ST3GAL4: variants seen among roughly 807,000 people sequenced by gnomAD.
ST3GAL4 encodes CMP-N-acetylneuraminate-beta-galactosamide-alpha-2,3-sialyltransferase 4.
A neutral mutation model predicts 42.6 loss-of-function variants in ST3GAL4; 24 were observed. That is an observed-to-expected ratio of 0.56 (90% confidence interval 0.41 to 0.79). The LOEUF (loss-of-function observed/expected upper bound fraction) is 0.79. Ranked by LOEUF, ST3GAL4 falls within the 30% of genes least tolerant of loss-of-function variation. The pLI is 0.00. For synonymous variants in ST3GAL4, 135 were observed against 163.2 expected, an observed-to-expected ratio of 0.83 and a Z score of 1.32; for missense variants, 311 against 430.8, an observed-to-expected ratio of 0.72 and a Z score of 2.46.
In ST3GAL4 at chr11:126,388,767, CTTTTTTTTT is replaced by C. The variant is rs10683946; in HGVS notation, c.-60-17316_-60-17308del. Among the ~76,000 whole-genome samples the C allele has an allele frequency of 1.7e-4, 9 of 52,042 alleles. No homozygotes were observed. The East Asian group carries it at 3.0e-3, about 17-fold the overall frequency. 34.1% of individuals were successfully genotyped at this position (52,042 alleles called of 152,430 possible). A position where few individuals can be genotyped will look rare whatever the true frequency, so the allele number is the denominator to read the frequency against. The stretch of plus-strand genomic sequence containing the variant: ...CAAATGTACTTTAGTTTTTCAGTGT[CTTTTTTTTT>C]TTTTTTTTTTTTGAGACGGATTTTT... On this transcript the variant is annotated intron_variant, in intron 1 of 10. Coordinates refer to ENST00000444328, the MANE Select transcript of ST3GAL4 (RefSeq NM_001254757.2).
intron 1 of ST3GAL4, among the ~76,000 whole-genome samples, chr11:126,387,308 G>A (rs1380179579): frequency 6.6e-6 from 1 of 152,202 alleles, no homozygotes; most frequent in African/African-American, 2.4e-5. Flanking sequence ...CCAAGTGTGA[G>A]ATTTCAATAT....
rs1280653918 is a variant in ST3GAL4 at position 126,409,613 on chromosome 11, G to GGGGA, written c.771+207_771+210dup. On this transcript the variant is annotated intron_variant, in intron 9 of 10. Coordinates refer to ENST00000444328, the MANE Select transcript of ST3GAL4 (RefSeq NM_001254757.2). This position sits in a 1 kb window ranked among gnomAD's most constrained non-coding sequence, Gnocchi z 4.9. ...GAGAACCAAGGGGCATTTACTAAGT[G>GGGGA]GGGAGGGATGGGGATGGCCTGGATC... is the stretch of plus-strand genomic sequence containing the variant. Among the ~76,000 whole-genome samples, 1 of 152,180 alleles carries GGGGA rather than the reference G, an allele frequency of 6.6e-6. No homozygotes were observed. The highest frequency in any genetic ancestry group is 1.5e-5 in the Non-Finnish European group (1 of 68,028).
intron 1 of ST3GAL4, chr11:126,375,060 G>A (rs4307732): frequency 0.13 from 20,081 of 152,102 alleles, 1,387 homozygotes; most frequent in East Asian, 0.35. Context: ...CCAGGCCCGC[G>A]CTGAAGTTCG....
intron 9 of ST3GAL4, among the ~76,000 whole-genome samples, chr11:126,412,983 T>C (rs1954595026): frequency 1.3e-5 from 2 of 152,258 alleles, no homozygotes; most frequent in Non-Finnish European, 2.9e-5. Flanking sequence ...ATGATGGCTG[T>C]CATTCTGATT....
At position 126,378,814 on chromosome 11, in the gene ST3GAL4, G is replaced by A. The variant is rs1340144488; in HGVS notation, c.-61+22972G>A. On this transcript the variant is annotated intron_variant, in intron 1 of 10. Transcript: ENST00000444328. This position sits in a 1 kb window ranked among gnomAD's most constrained non-coding sequence, Gnocchi z 5.3. Reference sequence around the variant, plus strand: ...TTGAACCAATGTCTAGTTCTAGTAAGTTCTCTGATGATATGGTTGAGGCTT... The same window carrying A: ...TTGAACCAATGTCTAGTTCTAGTAAATTCTCTGATGATATGGTTGAGGCTT... Among the ~76,000 whole-genome samples the A allele has an allele frequency of 6.6e-6, 1 of 152,158 alleles. No individual in the cohort carries two copies. The highest frequency in any genetic ancestry group is 2.4e-5 in the African/African-American group (1 of 41,422).
In ST3GAL4 at chr11:126,366,943, T is replaced by C. The variant is rs749290791; in HGVS notation, c.-61+11101T>C. Among the ~76,000 whole-genome samples, 37 of 152,218 alleles carry C rather than the reference T, an allele frequency of 2.4e-4. No individual in the cohort carries two copies. Among genetic ancestry groups the C allele is most frequent in the South Asian group, 4.1e-4 (2 of 4,820 alleles). ...GCACCTGCAGGGCTGAACGTTGCCT[T>C]TGCTGTCCCTGCTTGGGGATTTTGG... On this transcript the variant is annotated intron_variant, in intron 1 of 10. Coordinates refer to ENST00000444328, the MANE Select transcript of ST3GAL4 (RefSeq NM_001254757.2). The surrounding 1 kb of genome is among the most constrained non-coding windows in gnomAD (Gnocchi z 4.2).
chr11:126,377,629 C>A (rs749045596), intron 1 of ST3GAL4, among the ~76,000 whole-genome samples: 3 of 151,800 alleles, frequency 2.0e-5, no homozygotes, highest in Non-Finnish European at 2.9e-5. Flanking sequence ...GGAATACAGG[C>A]GTGTGCCACC....
intron 1 of ST3GAL4, among the ~76,000 whole-genome samples, chr11:126,381,372 G>C (rs1333636677): frequency 2.0e-5 from 3 of 152,096 alleles, no homozygotes; most frequent in Non-Finnish European, 4.4e-5. Context: ...GCTCCATATG[G>C]ATTTGGTTTG....
rs1953966668 is a variant in ST3GAL4 at position 126,400,916 on chromosome 11, G to C, written c.-60-5180G>C. 6.6e-6 allele frequency among the ~76,000 whole-genome samples: 1 copy of C among 152,104 alleles called. No homozygotes were observed. The highest frequency in any genetic ancestry group is 2.4e-5 in the African/African-American group (1 of 41,414). ...CCTATGATGCCAGGCCTGTGGTAAG[G>C]AGCTTTGCAAGCATTTGCTAGAATA... On this transcript the variant is annotated intron_variant, in intron 1 of 10. Transcript: ENST00000444328. The surrounding 1 kb of genome is among the most constrained non-coding windows in gnomAD (Gnocchi z 4.6).
rs1191905313 is a variant in ST3GAL4, at chr11:126,398,701, A to G, written c.-60-7395A>G. Among the ~76,000 whole-genome samples the G allele has an allele frequency of 6.6e-6, 1 of 152,206 alleles. No homozygotes were observed. The highest frequency in any genetic ancestry group is 1.5e-5 in the Non-Finnish European group (1 of 68,032). On this transcript the variant is annotated intron_variant, in intron 1 of 10. Transcript: ENST00000444328. This position sits in a 1 kb window ranked among gnomAD's most constrained non-coding sequence, Gnocchi z 4.7. ...TGCCTGGGTCCCGAGTCTGTCCGCA[A>G]TATCCTTTGAAATCTAGTTGGAGGG...
At chr11:126,370,776 A>G (rs1364457379) in intron 1 of ST3GAL4, among the ~76,000 whole-genome samples, 2 of 151,840 alleles carry the variant, frequency 1.3e-5, no homozygotes, top group East Asian at 1.9e-4. Flanking sequence ...TCCCGGGTTC[A>G]AGCAATTCTC....
Position 126,379,783 on chromosome 11 carries a change from T to A in ST3GAL4, c.-61+23941T>A, listed in dbSNP as rs1327452728. On this transcript the variant is annotated intron_variant, in intron 1 of 10. Coordinates refer to ENST00000444328, the MANE Select transcript of ST3GAL4 (RefSeq NM_001254757.2). This position sits in a 1 kb window ranked among gnomAD's most constrained non-coding sequence, Gnocchi z 4.2. ...ATGAGCCACCACACCCGGCCTGTTA[T>A]CCTTAATTTTAAATCACATGTGGAT... 6.6e-6 allele frequency among the ~76,000 whole-genome samples: 1 copy of A among 152,058 alleles called. No homozygotes were observed. The highest frequency in any genetic ancestry group is 2.4e-5 in the African/African-American group (1 of 41,378).
chr11:126,358,858 G>A (rs1367258344), intron 1 of ST3GAL4, among the ~76,000 whole-genome samples: 1 of 152,204 alleles, frequency 6.6e-6, no homozygotes, highest in Non-Finnish European at 1.5e-5. Flanking sequence ...AGCCCTGGGT[G>A]CCACTGCTGG....
At chr11:126,413,840 G>A in intron 10 of ST3GAL4, 121 bp from the exon 11 acceptor site, 1 of 1,415,952 alleles carries the variant, frequency 7.1e-7, no homozygotes, top group Non-Finnish European at 9.7e-7. Context: ...CCTTCCAAGA[G>A]CCAGCCTGGG....
In ST3GAL4 at chr11:126,373,211, G is replaced by T. The variant is rs1952719586; in HGVS notation, c.-61+17369G>T. Among the ~76,000 whole-genome samples the T allele has an allele frequency of 6.6e-6, 1 of 152,180 alleles. No individual in the cohort carries two copies. Among genetic ancestry groups the T allele is most frequent in the Admixed American group, 6.5e-5 (1 of 15,276 alleles). On this transcript the variant is annotated intron_variant, in intron 1 of 10. Coordinates refer to ENST00000444328, the MANE Select transcript of ST3GAL4 (RefSeq NM_001254757.2). The surrounding 1 kb of genome is among the most constrained non-coding windows in gnomAD (Gnocchi z 5.5). ...GCTGCTTTGGAGATGGATTAATCAG[G>T]AACTTGGGTGCTGATTCTAGGAGGT...
At chr11:126,403,663 G>T (rs1954105789) in intron 1 of ST3GAL4, among the ~76,000 whole-genome samples, 2 of 152,196 alleles carry the variant, frequency 1.3e-5, no homozygotes, top group Admixed American at 1.3e-4. Context: ...AACGCACCCT[G>T]GTCATGCAAG....
At chr11:126,385,821 A>G (rs6590200) in intron 1 of ST3GAL4, among the ~76,000 whole-genome samples, 151,858 of 151,862 alleles carry the variant, frequency 1, 75,927 homozygotes, top group Middle Eastern at 1. Flanking sequence ...AGGCCACCCT[A>G]GACAACATAG....
In ST3GAL4 at chr11:126,378,346, A is replaced by G. The variant is rs1279391848; in HGVS notation, c.-61+22504A>G. 1.3e-5 allele frequency among the ~76,000 whole-genome samples: 2 copies of G among 152,238 alleles called. No individual in the cohort carries two copies. Among genetic ancestry groups the G allele is most frequent in the Non-Finnish European group, 2.9e-5 (2 of 68,050 alleles). On this transcript the variant is annotated intron_variant, in intron 1 of 10. Transcript: ENST00000444328. This position sits in a 1 kb window ranked among gnomAD's most constrained non-coding sequence, Gnocchi z 5.3. Reference sequence around the variant, plus strand: ...GAATGGTTATGGTTTCAATTGGAGTAGGAACAAAAAACATTTCTATGAATT... The same window carrying G: ...GAATGGTTATGGTTTCAATTGGAGTGGGAACAAAAAACATTTCTATGAATT...
intron 1 of ST3GAL4, among the ~76,000 whole-genome samples, chr11:126,394,565 C>T (rs1320247894): frequency 1.3e-5 from 2 of 152,126 alleles, no homozygotes; most frequent in African/African-American, 4.8e-5. Context: ...ATTGGGATTA[C>T]AAGCACATGC....
Sources: allele counts gnomAD v4.1 joint callset (sites outside exome capture counted in the v4.1 genomes callset), GRCh38; gene constraint gnomAD v4.1.1; non-coding constraint Gnocchi (gnomAD v3.1); transcripts MANE v1.5; gene names NCBI Gene and HGNC (gene_info 2026-07-23, HGNC 2026-07-21).